The following RRP15 variants were observed in gnomAD, a reference collection of about 807,000 sequenced individuals.
The protein encoded by RRP15 is ribosomal RNA processing 15 homolog.
Under a neutral mutation model 27.1 loss-of-function variants are expected in RRP15, and 18 were observed. The observed-to-expected ratio is 0.66, with a 90% confidence interval of 0.46 to 0.98. The LOEUF (loss-of-function observed/expected upper bound fraction) is 0.98. Ranked by LOEUF, RRP15 falls within the 50% of genes least tolerant of loss-of-function variation. RRP15 has a pLI of 0.00. For synonymous variants in RRP15, 107 were observed against 109.4 expected (o/e 0.98, Z 0.14); for missense variants, 359 against 337.8 (o/e 1.06, Z -0.49).
Position 218,288,314 on chromosome 1 carries a change from G to T in RRP15, c.139+2859G>T, listed in dbSNP as rs1274601613. Among the ~76,000 whole-genome samples, 4 of 152,204 alleles carry T rather than the reference G, an allele frequency of 2.6e-5. No homozygotes were observed. The East Asian group carries it at 7.7e-4, about 29-fold the overall frequency. On this transcript the variant is annotated intron_variant, in intron 1 of 4. Coordinates refer to ENST00000366932, the MANE Select transcript of RRP15 (RefSeq NM_016052.4). The stretch of plus-strand genomic sequence containing the variant: ...TTTCAAAAAGAAAGTATTCAATTTT[G>T]CAAACAGGCAACTTTCATGTGAGCT...
At position 218,336,031 on chromosome 1, in the gene RRP15, G is replaced by T. The variant is rs1006069409; in HGVS notation, c.*4940G>T. The T allele has an allele frequency of 5.9e-5, 9 of 152,018 alleles. No homozygotes were observed. Among genetic ancestry groups the T allele is most frequent in the Admixed American group, 5.2e-4 (8 of 15,240 alleles). 9.4% of individuals were successfully genotyped at this position (152,018 alleles called of 1,614,324 possible). ...TTCTCTAAAAGAATGGGTTTATGAT[G>T]CACCAAAAGGACATTTTGAGAACTG... On this transcript the variant is annotated 3_prime_UTR_variant, in exon 5 of 5. Coordinates refer to ENST00000366932, the MANE Select transcript of RRP15 (RefSeq NM_016052.4).
At chr1:218,308,919 A>G (rs192851463) in intron 4 of RRP15, among the ~76,000 whole-genome samples, 1 of 152,356 alleles carries the variant, frequency 6.6e-6, no homozygotes, top group African/African-American at 2.4e-5. Context: ...GATGGGAAAG[A>G]ACTAGTGGGA....
intron 1 of RRP15, chr1:218,301,736 C>G (rs533438508): frequency 1.3e-5 from 2 of 152,042 alleles, no homozygotes; most frequent in South Asian, 4.2e-4. Flanking sequence ...GCCCAATTTT[C>G]TAATGTTATA....
chr1:218,305,685 A>G (rs1019506020), intron 3 of RRP15, among the ~76,000 whole-genome samples: 1 of 152,184 alleles, frequency 6.6e-6, no homozygotes, highest in African/African-American at 2.4e-5. Context: ...ATTGTCTGGG[A>G]GAGTTTGAGA....
At chr1:218,322,903 C>T (rs533325404) in intron 4 of RRP15, among the ~76,000 whole-genome samples, 1 of 152,132 alleles carries the variant, frequency 6.6e-6, no homozygotes, top group Admixed American at 6.5e-5. Context: ...GATGTATGAG[C>T]GAGAGTGGGG....
chr1:218,327,896 A>G (rs1656300143), intron 4 of RRP15, among the ~76,000 whole-genome samples: 1 of 152,366 alleles, frequency 6.6e-6, no homozygotes, highest in African/African-American at 2.4e-5. Flanking sequence ...AACAAAAACC[A>G]TCACTAAGAA....
At chr1:218,287,236 C>T (rs946361135) in intron 1 of RRP15, among the ~76,000 whole-genome samples, 5 of 151,482 alleles carry the variant, frequency 3.3e-5, no homozygotes, top group African/African-American at 1.2e-4. Flanking sequence ...CCGTCTCGGC[C>T]TCCCAAAGTG....
chr1:218,305,095 C>A lies in RRP15; in HGVS notation c.473C>A (p.Thr158Lys). ...CCAGATGTTGTCCAAGACAAAGAGA[C>A]AGAGAGAAATCTTCAGAGAATTGCA... ...VKPDVVQDKETERNLQRIATR... is the reference protein window; with the variant it reads ...VKPDVVQDKEKERNLQRIATR... Residue 158 changes from threonine to lysine, a missense_variant, in exon 3 of 5, where the codon ACA (threonine) becomes AAA (lysine). Transcript: ENST00000366932. The A allele has an allele frequency of 6.2e-7, 1 of 1,613,610 alleles. No individual in the cohort carries two copies.
chr1:218,317,156 TA>T (rs1381282353), intron 4 of RRP15, among the ~76,000 whole-genome samples: 1 of 152,224 alleles, frequency 6.6e-6, no homozygotes, highest in Non-Finnish European at 1.5e-5. Context: ...AGAACATCAT[TA>T]GAAGATCATA....
At chr1:218,287,943 A>G (rs754923995) in intron 1 of RRP15, among the ~76,000 whole-genome samples, 3 of 152,222 alleles carry the variant, frequency 2.0e-5, no homozygotes, top group Non-Finnish European at 4.4e-5. Flanking sequence ...CAGTTTTCTC[A>G]GACATAAAAG....
At position 218,302,163 on chromosome 1, in the gene RRP15, T is replaced by C. The variant is rs1225133138; in HGVS notation, c.140-131T>C. The C allele has an allele frequency of 4.5e-6, 3 of 672,544 alleles. No individual in the cohort carries two copies. The African/African-American group carries it at 5.4e-5, about 12-fold the overall frequency. 41.7% of individuals were successfully genotyped at this position (672,544 alleles called of 1,614,324 possible). A position where few individuals can be genotyped will look rare whatever the true frequency, so the allele number is the denominator to read the frequency against. ...TATTGCTCTTCATCATTACTGTAGC[T>C]GTGGGACTCAGAAAAGTACCCCCCT... is the stretch of plus-strand genomic sequence containing the variant. On this transcript the variant is annotated intron_variant, in intron 1 of 4. Coordinates refer to ENST00000366932, the MANE Select transcript of RRP15 (RefSeq NM_016052.4).
chr1:218,317,791 AGTG>A (rs1204901710), intron 4 of RRP15, among the ~76,000 whole-genome samples: 1 of 141,436 alleles, frequency 7.1e-6, no homozygotes, highest in East Asian at 2.1e-4. Flanking sequence ...GCTGGAATAT[AGTG>A]GTGTGATCAC....
At chr1:218,319,195 G>T (rs1474447051) in intron 4 of RRP15, among the ~76,000 whole-genome samples, 1 of 151,634 alleles carries the variant, frequency 6.6e-6, no homozygotes, top group Non-Finnish European at 1.5e-5. Flanking sequence ...CTCCTGAGTA[G>T]CTGGGATTAC....
At position 218,305,045 on chromosome 1, in the gene RRP15, G is replaced by A; in HGVS notation, c.423G>A (p.Glu141=). ...EKIKQRDKRL[E]WEMMCRVKPD... The stretch of plus-strand genomic sequence containing the variant: ...TAACGCAGCGTGATAAGAGGCTGGA[G>A]TGGGAAATGATGTGCAGAGTAAAGC... The change falls in exon 3 of 5, where the codon GAG becomes GAA. Residue 141 remains glutamate, a synonymous_variant. Transcript: ENST00000366932. The A allele has an allele frequency of 1.2e-6, 2 of 1,613,756 alleles. No individual in the cohort carries two copies. The highest frequency in any genetic ancestry group is 8.5e-7 in the Non-Finnish European group (1 of 1,179,732).
chr1:218,291,751 G>A (rs1296388087), intron 1 of RRP15, among the ~76,000 whole-genome samples: 1 of 151,840 alleles, frequency 6.6e-6, no homozygotes, highest in African/African-American at 2.4e-5. Flanking sequence ...AGGATAGTCT[G>A]GATCTCTTGA....
At chr1:218,291,475 A>T (rs570848803) in intron 1 of RRP15, among the ~76,000 whole-genome samples, 1 of 148,702 alleles carries the variant, frequency 6.7e-6, no homozygotes, top group East Asian at 2.0e-4. Context: ...TAAAAACAAA[A>T]CTCTGAGATT....
chr1:218,286,896 G>A (rs1206339626), intron 1 of RRP15, among the ~76,000 whole-genome samples: 2 of 151,582 alleles, frequency 1.3e-5, no homozygotes, highest in Non-Finnish European at 2.9e-5. Context: ...GTTCAAGAAG[G>A]GAAGAGTACT....
intron 3 of RRP15, among the ~76,000 whole-genome samples, chr1:218,305,924 A>G (rs1655892436): frequency 6.6e-6 from 1 of 152,142 alleles, no homozygotes; most frequent in Non-Finnish European, 1.5e-5. Context: ...GTCCCTGGGC[A>G]TGCTACTTGA....
chr1:218,298,245 C>T (rs1571795193), intron 1 of RRP15, among the ~76,000 whole-genome samples: 1 of 152,090 alleles, frequency 6.6e-6, no homozygotes, highest in Non-Finnish European at 1.5e-5. Context: ...CATTCAAATT[C>T]TTGCATTAAG....
Sources: allele counts gnomAD v4.1 joint callset (sites outside exome capture counted in the v4.1 genomes callset), GRCh38; gene constraint gnomAD v4.1.1; transcripts MANE v1.5; gene names NCBI Gene and HGNC (gene_info 2026-07-23, HGNC 2026-07-21).